CPQ: variants seen among roughly 807,000 people sequenced by gnomAD.
CPQ encodes carboxypeptidase Q.
Under a neutral mutation model 45.7 loss-of-function variants are expected in CPQ, and 37 were observed. The observed-to-expected ratio is 0.81, with a 90% confidence interval of 0.62 to 1.07. The LOEUF is 1.07. CPQ is among the 50% of genes least tolerant of loss of function. The pLI, the probability that CPQ is intolerant of heterozygous loss-of-function variation, is 0.00. For missense variants in CPQ, 537 were observed against 572.9 expected (o/e 0.94, Z 0.64); for synonymous variants, 186 against 205.8 (o/e 0.90, Z 0.82).
chr8:96,938,357 A>G (rs1563533744), intron 4 of CPQ, among the ~76,000 whole-genome samples: 1 of 152,152 alleles, frequency 6.6e-6, no homozygotes, highest in Non-Finnish European at 1.5e-5. Context: ...GCATGGTGCC[A>G]TTACACTCCA....
intron 1 of CPQ, among the ~76,000 whole-genome samples, chr8:96,727,979 C>G (rs1262144395): frequency 1.3e-5 from 2 of 152,168 alleles, no homozygotes; most frequent in Non-Finnish European, 2.9e-5. Flanking sequence ...ATAGGTCGCC[C>G]GTTGGTGAAC....
intron 1 of CPQ, among the ~76,000 whole-genome samples, chr8:96,751,158 G>A (rs1810253759): frequency 6.6e-6 from 1 of 152,166 alleles, no homozygotes. Context: ...ACCCAGTAAT[G>A]GGATTGCCGG....
At chr8:96,802,990 T>TACACACACAC (rs71569185) in intron 2 of CPQ, among the ~76,000 whole-genome samples, 4 of 144,018 alleles carry the variant, frequency 2.8e-5, no homozygotes, top group African/African-American at 1.0e-4. Flanking sequence ...AACAGAAGCA[T>TACACACACAC]ACACACACAC....
intron 6 of CPQ, among the ~76,000 whole-genome samples, chr8:97,038,017 AT>A (rs1810032862): frequency 6.6e-6 from 1 of 152,168 alleles, no homozygotes; most frequent in African/African-American, 2.4e-5. Flanking sequence ...CTAGAATGGA[AT>A]TTTTTCATGT....
At chr8:96,696,637 A>G (rs1424632427) in intron 1 of CPQ, among the ~76,000 whole-genome samples, 8 of 151,732 alleles carry the variant, frequency 5.3e-5, no homozygotes, top group Non-Finnish European at 4.4e-5. Context: ...CAGGCTAAGA[A>G]AAAAAGAGAG....
At chr8:96,983,231 ATTTC>A (rs1194650170) in intron 5 of CPQ, among the ~76,000 whole-genome samples, 10 of 151,906 alleles carry the variant, frequency 6.6e-5, no homozygotes, top group African/African-American at 1.2e-4. Flanking sequence ...CCTTTTGTTT[ATTTC>A]TTCTATCTTT....
intron 5 of CPQ, among the ~76,000 whole-genome samples, chr8:97,025,666 C>T (rs1333924880): frequency 6.6e-6 from 1 of 152,172 alleles, no homozygotes; most frequent in African/African-American, 2.4e-5. Flanking sequence ...CCCAAATCTG[C>T]CACAGAATTA....
At chr8:96,750,921 A>G (rs983899990) in intron 1 of CPQ, among the ~76,000 whole-genome samples, 10 of 152,156 alleles carry the variant, frequency 6.6e-5, no homozygotes, top group Admixed American at 1.3e-4. Flanking sequence ...TTTGCTGAGG[A>G]TAATGGCTTC....
chr8:96,726,790 A>C (rs1809848114), intron 1 of CPQ, among the ~76,000 whole-genome samples: 1 of 152,182 alleles, frequency 6.6e-6, no homozygotes, highest in African/African-American at 2.4e-5. Context: ...CTTTTTGAGA[A>C]GAGAAAGGGA....
At chr8:96,666,987 T>G (rs1254208638) in intron 1 of CPQ, among the ~76,000 whole-genome samples, 1 of 152,184 alleles carries the variant, frequency 6.6e-6, no homozygotes, top group Non-Finnish European at 1.5e-5. Context: ...CTCCCAGATT[T>G]ACTTCTTCCT....
chr8:96,901,280 T>C (rs1218169778), intron 4 of CPQ, among the ~76,000 whole-genome samples: 2 of 152,312 alleles, frequency 1.3e-5, no homozygotes, highest in African/African-American at 4.8e-5. Flanking sequence ...CTGAGTCTAT[T>C]GTTGGGCTGC....
At chr8:96,718,181 C>T (rs909328304) in intron 1 of CPQ, among the ~76,000 whole-genome samples, 1 of 152,166 alleles carries the variant, frequency 6.6e-6, no homozygotes, top group African/African-American at 2.4e-5. Context: ...GGAGTTCATC[C>T]GTACTTGAGA....
intron 1 of CPQ, among the ~76,000 whole-genome samples, chr8:96,687,180 C>CTTTTCTTTTCT (rs1563469130): frequency 8.4e-4 from 104 of 124,452 alleles, no homozygotes; most frequent in African/African-American, 2.7e-3. Context: ...TTTTCTTTCT[C>CTTTTCTTTTCT]TTCTCTTCTC....
intron 1 of CPQ, among the ~76,000 whole-genome samples, chr8:96,694,481 C>T (rs1809345158): frequency 6.6e-6 from 1 of 152,134 alleles, no homozygotes; most frequent in South Asian, 2.1e-4. Flanking sequence ...ACATTCTTCT[C>T]CTCAGCATAT....
rs1563586779 is a variant in CPQ at position 97,122,932 on chromosome 8, A to AAAATAAAATAAAATAAAATAAAAT, written c.1256-20084_1256-20061dup. On this transcript the variant is annotated intron_variant, in intron 7 of 7. Transcript: ENST00000220763. Reference sequence around the variant, plus strand: ...TAAAATAAAATAAAATAAAATAAATAAAATAAAATAAAATAAAATAAAATA... The same window carrying AAAATAAAATAAAATAAAATAAAAT: ...TAAAATAAAATAAAATAAAATAAATAAAATAAAATAAAATAAAATAAAATAAATAAAATAAAATAAAATAAAATA... Among the ~76,000 whole-genome samples the AAAATAAAATAAAATAAAATAAAAT allele has an allele frequency of 1.6e-4, 6 of 37,762 alleles. No individual in the cohort carries two copies. The East Asian group carries it at 6.7e-3, about 42-fold the overall frequency. 24.8% of individuals were successfully genotyped at this position (37,762 alleles called of 152,430 possible).
chr8:96,942,564 C>T (rs928196798), intron 4 of CPQ, among the ~76,000 whole-genome samples: 1 of 152,280 alleles, frequency 6.6e-6, no homozygotes, highest in Middle Eastern at 3.4e-3. Flanking sequence ...CTAGCTGATA[C>T]AGAAGATCCA....
At chr8:96,701,896 CT>C (rs1237155249) in intron 1 of CPQ, among the ~76,000 whole-genome samples, 2 of 152,208 alleles carry the variant, frequency 1.3e-5, no homozygotes, top group African/African-American at 4.8e-5. Context: ...ATCCCTTCTA[CT>C]AATTGGCTCT....
intron 5 of CPQ, among the ~76,000 whole-genome samples, chr8:97,002,508 T>G (rs1010933369): frequency 3.3e-5 from 5 of 152,234 alleles, no homozygotes; most frequent in Non-Finnish European, 5.9e-5. Flanking sequence ...TCTGCCTTAA[T>G]TTCATTGTTT....
In CPQ at chr8:97,052,012, A is replaced by G. The variant is rs184933211; in HGVS notation, c.1054-13997A>G. On this transcript the variant is annotated intron_variant, in intron 6 of 7. Transcript: ENST00000220763. ...GAGGAGAGGTCTGAGTGTCTGACTA[A>G]TGCTTTTTATTCAACCCTCCTTGAG... Among the ~76,000 whole-genome samples the G allele has an allele frequency of 1.7e-3, 253 of 152,232 alleles. 3 individuals are homozygous for G. The highest frequency in any genetic ancestry group is 0.013 in the Admixed American group (196 of 15,286).
Sources: gnomAD v4.1 joint callset for allele counts (sites outside exome capture counted in the v4.1 genomes callset) on GRCh38, gnomAD v4.1.1 for gene constraint, MANE v1.5 for transcripts, NCBI Gene and HGNC (gene_info 2026-07-23, HGNC 2026-07-21) for gene names.